Variants in OTUD7B observed in about 807,000 individuals in gnomAD.
OTUD7B encodes the protein OTU deubiquitinase 7B, also known as OTU domain-containing protein 7B.
In OTUD7B, 34 loss-of-function variants were observed where a neutral mutation model predicts 82.2. The ratio of observed to expected loss-of-function variants is 0.41; its 90% CI spans 0.31 to 0.55. The LOEUF (loss-of-function observed/expected upper bound fraction) is 0.55. OTUD7B is among the 20% of genes least tolerant of loss of function. The pLI, the probability that OTUD7B is intolerant of heterozygous loss-of-function variation, is 0.20. For synonymous variants in OTUD7B, 398 were observed against 402.7 expected (o/e 0.99, Z 0.14); for missense variants, 944 against 1,062.1 (o/e 0.89, Z 1.55).
intron 7 of OTUD7B, among the ~76,000 whole-genome samples, chr1:149,953,656 G>A (rs1021938018): frequency 3.3e-5 from 5 of 152,126 alleles, no homozygotes; most frequent in African/African-American, 1.2e-4. Context: ...CCATTTTCAC[G>A]ATACTGAGTC....
At chr1:150,047,396 T>C in the OTUD7B span, among the ~76,000 whole-genome samples, 1 of 152,338 alleles carries the variant, frequency 6.6e-6, no homozygotes, top group South Asian at 2.1e-4. Context: ...AACTTGTTTT[T>C]GCTCTATAGA....
chr1:149,951,893 CT>C (rs34263065), intron 7 of OTUD7B, among the ~76,000 whole-genome samples: 1 of 147,890 alleles, frequency 6.8e-6, no homozygotes. Context: ...CATGGTCAAC[CT>C]TTTTTTTTTT....
the OTUD7B span, among the ~76,000 whole-genome samples, chr1:150,027,197 G>A: frequency 6.6e-6 from 1 of 152,002 alleles, no homozygotes; most frequent in East Asian, 1.9e-4. Flanking sequence ...TAGGCTCTAG[G>A]GATATAAGAT....
At chr1:150,032,331 A>G in the OTUD7B span, among the ~76,000 whole-genome samples, 1 of 142,522 alleles carries the variant, frequency 7.0e-6, no homozygotes, top group African/African-American at 2.6e-5. Flanking sequence ...AAAAGAAAAA[A>G]AAAAGCACAC....
At chr1:149,948,677 C>A (rs1647953365) in intron 10 of OTUD7B, among the ~76,000 whole-genome samples, 1 of 152,074 alleles carries the variant, frequency 6.6e-6, no homozygotes, top group African/African-American at 2.4e-5. Flanking sequence ...GCCTGATTAT[C>A]CTGATTTTCT....
chr1:149,955,397 G>A (rs1457826027), intron 7 of OTUD7B, among the ~76,000 whole-genome samples: 1 of 152,210 alleles, frequency 6.6e-6, no homozygotes, highest in African/African-American at 2.4e-5. Context: ...TTGCACTGTG[G>A]TCTGACAGAC....
the OTUD7B span, among the ~76,000 whole-genome samples, chr1:150,030,539 A>G: frequency 6.6e-6 from 1 of 152,178 alleles, no homozygotes; most frequent in Non-Finnish European, 1.5e-5. Context: ...TCCTCCCTAC[A>G]GCCCACAGCA....
intron 7 of OTUD7B, among the ~76,000 whole-genome samples, chr1:149,954,415 T>A (rs1287936932): frequency 6.6e-6 from 1 of 152,230 alleles, no homozygotes; most frequent in Admixed American, 6.5e-5. Flanking sequence ...TCTTGGGGGA[T>A]AAGCTTTTTG....
intron 1 of OTUD7B, among the ~76,000 whole-genome samples, chr1:149,986,500 C>T (rs1435971428): frequency 6.6e-6 from 1 of 152,096 alleles, no homozygotes; most frequent in Non-Finnish European, 1.5e-5. Context: ...GATAATAACC[C>T]TCTATTAAAA....
intron 7 of OTUD7B, 92 bp from the exon 8 acceptor site, chr1:149,950,313 GA>G (rs1259088245): frequency 3.1e-6 from 4 of 1,276,808 alleles, no homozygotes; most frequent in Non-Finnish European, 4.3e-6. Flanking sequence ...TGCAGAAAGG[GA>G]AAAGAAGAAT....
upstream of OTUD7B, among the ~76,000 whole-genome samples, chr1:150,012,717 T>C (rs1653134248): frequency 6.6e-6 from 1 of 152,228 alleles, no homozygotes; most frequent in African/African-American, 2.4e-5. Context: ...CCACACTTTA[T>C]AGGCTTGCCT....
chr1:150,037,186 G>C, the OTUD7B span, among the ~76,000 whole-genome samples: 1 of 151,580 alleles, frequency 6.6e-6, no homozygotes, highest in African/African-American at 2.4e-5. Flanking sequence ...TCCTAAGAAA[G>C]CATGCTGGCT....
chr1:149,953,139 G>T lies in OTUD7B; in HGVS notation c.846-2918C>A, dbSNP rs587659048. ...TCCTTGCCCATGCCTATGTCCTGAA[G>T]GGTATTGCCTAGGTTTTCTTCTAGG... On this transcript the variant is annotated intron_variant, in intron 7 of 11. Transcript: ENST00000581312. 8.5e-5 allele frequency among the ~76,000 whole-genome samples: 13 copies of T among 152,132 alleles called. 1 individual carries two copies. In the East Asian group the frequency reaches 2.5e-3, roughly 29 times the overall value.
At chr1:150,050,731 C>A in the OTUD7B span, among the ~76,000 whole-genome samples, 12 of 152,176 alleles carry the variant, frequency 7.9e-5, no homozygotes, top group Non-Finnish European at 1.6e-4. Flanking sequence ...ATAACAATTA[C>A]TCAGTATGCC....
chr1:150,004,731 C>T (rs1290068749), intron 1 of OTUD7B, among the ~76,000 whole-genome samples: 3 of 152,066 alleles, frequency 2.0e-5, no homozygotes, highest in Non-Finnish European at 4.4e-5. Context: ...GTCTCCTCAC[C>T]GCCCCAAGAA....
chr1:149,969,636 T>A (rs2101831817), intron 3 of OTUD7B, among the ~76,000 whole-genome samples: 1 of 152,258 alleles, frequency 6.6e-6, no homozygotes. Context: ...GCTTTTAAAA[T>A]CATCTTTTAA....
the OTUD7B span, among the ~76,000 whole-genome samples, chr1:150,050,133 G>A: frequency 3.3e-5 from 5 of 151,988 alleles, no homozygotes; most frequent in East Asian, 5.8e-4. Context: ...GGTCAAGGCT[G>A]CAGTGAGCCA....
the OTUD7B span, chr1:150,054,452 TC>T: frequency 1.9e-6 from 1 of 527,358 alleles, no homozygotes; most frequent in Non-Finnish European, 3.7e-6. Context: ...CATTGCCACC[TC>T]AGCCAAAATT....
chr1:149,944,169 G>T lies in OTUD7B; in HGVS notation c.2220C>A (p.Tyr740Ter). Residue 740 changes from tyrosine (Y) to a stop codon, truncating the protein, a stop_gained, in exon 12 of 12, where the codon TAC (tyrosine) becomes TAA (stop). Transcript: ENST00000581312. LOFTEE classifies it high-confidence loss of function. ...GAGAAGGGATGCTGTCCTGGTGGGG[G>T]TAGGGTCGCCCAGGAGGGCACTGTC... ...FPRQCPPGRP[Y>*]PHQDSIPSLE... 1 of 1,613,964 alleles carries T rather than the reference G, an allele frequency of 6.2e-7. No individual in the cohort carries two copies. Among genetic ancestry groups the T allele is most frequent in the African/African-American group, 1.3e-5 (1 of 75,026 alleles).
Sources: allele counts gnomAD v4.1 joint callset (sites outside exome capture counted in the v4.1 genomes callset), GRCh38; gene constraint gnomAD v4.1.1; transcripts MANE v1.5; gene names NCBI Gene and HGNC (gene_info 2026-07-23, HGNC 2026-07-21).